The following SNPH variants were observed in gnomAD, a reference collection of about 807,000 sequenced individuals.
The protein encoded by SNPH is syntaphilin.
Under a neutral mutation model 36.8 loss-of-function variants are expected in SNPH, and 10 were observed. That is an observed-to-expected ratio of 0.27 (90% CI 0.17 to 0.46). SNPH has a LOEUF of 0.46. Ranked by LOEUF, SNPH falls within the 20% of genes least tolerant of loss-of-function variation. The probability of loss-of-function intolerance (pLI) is 1.00; values close to 1 mark genes in which losing one functional copy is unlikely to be tolerated. For synonymous variants in SNPH, 281 were observed against 312.2 expected (o/e 0.90, Z 1.05); for missense variants, 622 against 744.0 (o/e 0.84, Z 1.91).
chr20:1,266,911 C>T lies in SNPH; in HGVS notation c.-493+151C>T, dbSNP rs1331491846. ...ACTCATTCTTACCCTCCCTTCATTC[C>T]CCTACATCCCTTTAAGCGCTTCCCT... On this transcript the variant is annotated intron_variant, in intron 2 of 6. Transcript: ENST00000381867. This position sits in a 1 kb window ranked among gnomAD's most constrained non-coding sequence, Gnocchi z 6.0. 1.3e-5 allele frequency among the ~76,000 whole-genome samples: 2 copies of T among 152,152 alleles called. No individual in the cohort carries two copies. Among genetic ancestry groups the T allele is most frequent in the Non-Finnish European group, 1.5e-5 (1 of 68,024 alleles).
intron 2 of SNPH, among the ~76,000 whole-genome samples, chr20:1,277,996 G>A (rs549687249): frequency 8.0e-5 from 12 of 149,438 alleles, no homozygotes; most frequent in African/African-American, 2.2e-4. Context: ...GCGTGTCTGT[G>A]TGTCTGTGTG....
At position 1,305,803 on chromosome 20, in the gene SNPH, G is replaced by C; in HGVS notation, c.1366G>C (p.Val456Leu). 3 of 1,595,760 alleles carry C rather than the reference G, an allele frequency of 1.9e-6. No homozygotes were observed. Among genetic ancestry groups the C allele is most frequent in the Non-Finnish European group, 2.6e-6 (3 of 1,171,420 alleles). ...CPMEEEEEAAVAEKEPKSYWS... is the reference protein window; with the variant it reads ...CPMEEEEEAALAEKEPKSYWS... ...CATGGAAGAGGAGGAGGAGGCTGCCGTGGCTGAGAAGGAGCCCAAGAGCTA... is the reference window on the plus strand; with the variant it reads ...CATGGAAGAGGAGGAGGAGGCTGCCCTGGCTGAGAAGGAGCCCAAGAGCTA... Residue 456 changes from valine to leucine, a missense_variant, in exon 7 of 7, where the codon GTG becomes CTG. Coordinates refer to ENST00000381867, the MANE Select transcript of SNPH (RefSeq NM_001318234.2).
At chr20:1,282,711 T>C (rs913068079) in intron 2 of SNPH, among the ~76,000 whole-genome samples, 1 of 145,326 alleles carries the variant, frequency 6.9e-6, no homozygotes, top group African/African-American at 2.5e-5. Context: ...CATTTGTCTC[T>C]GGGCCTTGGT....
intron 4 of SNPH, 157 bp from the exon 5 acceptor site, chr20:1,296,988 T>C (rs2088443944): frequency 4.4e-6 from 4 of 900,576 alleles, no homozygotes; most frequent in Non-Finnish European, 5.3e-6. Context: ...GTCTGTTCTG[T>C]CACCCCTGTC....
At chr20:1,292,491 C>T (rs2122369807) in intron 2 of SNPH, among the ~76,000 whole-genome samples, 1 of 152,358 alleles carries the variant, frequency 6.6e-6, no homozygotes, top group East Asian at 1.9e-4. Context: ...CTCCATTGTT[C>T]CTGCCATGAC....
intron 2 of SNPH, among the ~76,000 whole-genome samples, chr20:1,292,145 G>A (rs1336944884): frequency 1.4e-5 from 2 of 145,020 alleles, no homozygotes; most frequent in East Asian, 3.9e-4. Flanking sequence ...CCCAGGGGAT[G>A]GTGTTCCCTG....
Position 1,266,514 on chromosome 20 carries a change from C to A in SNPH, c.-600+117C>A, listed in dbSNP as rs1010467737. The stretch of plus-strand genomic sequence containing the variant: ...GCCGCGGGCCGCGAGGAGGAGGGGA[C>A]GGAGCACCCGGCAGGCAGCCTGCCC... On this transcript the variant is annotated intron_variant, in intron 1 of 6. Coordinates refer to ENST00000381867, the MANE Select transcript of SNPH (RefSeq NM_001318234.2). This position sits in a 1 kb window ranked among gnomAD's most constrained non-coding sequence, Gnocchi z 6.0. The A allele has an allele frequency of 8.1e-6, 10 of 1,240,490 alleles. No homozygotes were observed. The African/African-American group carries it at 1.1e-4, about 14-fold the overall frequency. 76.8% of individuals were successfully genotyped at this position (1,240,490 alleles called of 1,614,324 possible). A position where few individuals can be genotyped will look rare whatever the true frequency, so the allele number is the denominator to read the frequency against.
Position 1,266,703 on chromosome 20 carries a change from G to C in SNPH, c.-550G>C. 1 of 1,438,512 alleles carries C rather than the reference G, an allele frequency of 7.0e-7. No individual in the cohort carries two copies. The highest frequency in any genetic ancestry group is 9.1e-7 in the Non-Finnish European group (1 of 1,100,340). The allele number at this position is 1,438,512 out of a possible 1,614,324, so 89.1% of individuals were successfully genotyped here. On this transcript the variant is annotated 5_prime_UTR_variant, in exon 2 of 7. Transcript: ENST00000381867. The surrounding 1 kb of genome is among the most constrained non-coding windows in gnomAD (Gnocchi z 6.0). ...GCAGCAGCGACTGCAGAGGCGCTGC[G>C]CCAAGCCGGGCCGGAGTGGTGCGAG...
chr20:1,266,696 G>T lies in SNPH; in HGVS notation c.-557G>T, dbSNP rs1442498021. 11 of 1,454,280 alleles carry T rather than the reference G, an allele frequency of 7.6e-6. No individual in the cohort carries two copies. Among genetic ancestry groups the T allele is most frequent in the Non-Finnish European group, 9.9e-6 (11 of 1,107,190 alleles). The allele number at this position is 1,454,280 out of a possible 1,614,324, so 90.1% of individuals were successfully genotyped here. ...GGCGGCTGCAGCAGCGACTGCAGAG[G>T]CGCTGCGCCAAGCCGGGCCGGAGTG... On this transcript the variant is annotated 5_prime_UTR_variant, in exon 2 of 7. Coordinates refer to ENST00000381867, the MANE Select transcript of SNPH (RefSeq NM_001318234.2). This position sits in a 1 kb window ranked among gnomAD's most constrained non-coding sequence, Gnocchi z 6.0.
rs1362568362 is a variant in SNPH, at chr20:1,296,135, G to T, written c.-105G>T. 5.1e-6 allele frequency: 5 copies of T among 978,658 alleles called. No homozygotes were observed. The highest frequency in any genetic ancestry group is 5.8e-6 in the Non-Finnish European group (4 of 691,970). 60.6% of individuals were successfully genotyped at this position (978,658 alleles called of 1,614,324 possible). The stretch of plus-strand genomic sequence containing the variant: ...GACAGTTGTGGTTTTAAGTTGGGTG[G>T]TGGGAACCTGTGCACCAGCCCTATT... On this transcript the variant is annotated 5_prime_UTR_variant, in exon 4 of 7. Coordinates refer to ENST00000381867, the MANE Select transcript of SNPH (RefSeq NM_001318234.2).
intron 2 of SNPH, among the ~76,000 whole-genome samples, chr20:1,272,047 T>C (rs1030285159): frequency 6.6e-6 from 1 of 152,230 alleles, no homozygotes; most frequent in African/African-American, 2.4e-5. Flanking sequence ...AAGAACATTT[T>C]AATATTTCTA....
At chr20:1,281,053 T>A (rs1333575954) in intron 2 of SNPH, among the ~76,000 whole-genome samples, 1 of 152,118 alleles carries the variant, frequency 6.6e-6, no homozygotes, top group African/African-American at 2.4e-5. Context: ...CACCCCTGAA[T>A]AAGGTTCTAT....
At position 1,276,744 on chromosome 20, in the gene SNPH, C is replaced by T. The variant is rs2088136269; in HGVS notation, c.-493+9984C>T. On this transcript the variant is annotated intron_variant, in intron 2 of 6. Transcript: ENST00000381867. The surrounding 1 kb of genome is among the most constrained non-coding windows in gnomAD (Gnocchi z 4.6). Reference sequence around the variant, plus strand: ...AAAGTGCCAACACATCTTCATTTGGCAGTGAGCTCCCTCCTCACTGGAGGT... The same window carrying T: ...AAAGTGCCAACACATCTTCATTTGGTAGTGAGCTCCCTCCTCACTGGAGGT... Among the ~76,000 whole-genome samples the T allele has an allele frequency of 6.6e-6, 1 of 152,214 alleles. No individual in the cohort carries two copies. Among genetic ancestry groups the T allele is most frequent in the South Asian group, 2.1e-4 (1 of 4,832 alleles).
chr20:1,300,778 TC>T lies in SNPH; in HGVS notation c.440+68del, dbSNP rs772709067. The T allele has an allele frequency of 1.1e-4, 171 of 1,497,272 alleles. 1 individual carries two copies. In the South Asian group the frequency reaches 1.2e-3, roughly 11 times the overall value. The allele number at this position is 1,497,272 out of a possible 1,614,324, so 92.7% of individuals were successfully genotyped here. A position where few individuals can be genotyped will look rare whatever the true frequency, so the allele number is the denominator to read the frequency against. ...GCTCCACACTCAGGGAAACCAGGGC[TC>T]TGGGGTGCCTCTTGGAGGGAGGAGT... On this transcript the variant is annotated intron_variant, in intron 6 of 6. Transcript: ENST00000381867.
Position 1,300,624 on chromosome 20 carries a change from A to G in SNPH, c.353A>G (p.Gln118Arg). 2.5e-6 allele frequency: 4 copies of G among 1,613,784 alleles called. No homozygotes were observed. Among genetic ancestry groups the G allele is most frequent in the African/African-American group, 1.3e-5 (1 of 75,054 alleles). The change falls in exon 6 of 7, where the codon CAG becomes CGG. Residue 118 changes from glutamine (Q) to arginine (R), a missense_variant. This residue lies in a region of SNPH where 187 missense variants were observed against 209.4 expected (regional missense o/e 0.89). Transcript: ENST00000381867. ...NHGIKPPTPE[Q>R]YLTPLQQKEV... ...GGCATCAAGCCCCCGACCCCGGAGC[A>G]GTACCTGACCCCCCTGCAGCAGAAG...
chr20:1,298,679 C>T (rs914937971), intron 5 of SNPH, among the ~76,000 whole-genome samples: 1 of 152,168 alleles, frequency 6.6e-6, no homozygotes, highest in Non-Finnish European at 1.5e-5. Context: ...TCTTCTTCCC[C>T]ACAACAAGGG....
intron 2 of SNPH, among the ~76,000 whole-genome samples, chr20:1,293,643 A>G (rs2088391191): frequency 6.6e-6 from 1 of 152,178 alleles, no homozygotes; most frequent in Non-Finnish European, 1.5e-5. Context: ...CTGCCCTCCC[A>G]TGAGGGACCC....
At chr20:1,288,619 C>CTTTTT (rs201764007) in intron 2 of SNPH, among the ~76,000 whole-genome samples, 11 of 140,774 alleles carry the variant, frequency 7.8e-5, no homozygotes, top group South Asian at 2.3e-4. Context: ...ATTTCTTTTT[C>CTTTTT]TTTTTTTCTT....
chr20:1,272,335 T>C (rs2088082590), intron 2 of SNPH, among the ~76,000 whole-genome samples: 1 of 152,198 alleles, frequency 6.6e-6, no homozygotes, highest in South Asian at 2.1e-4. Context: ...AAATGAAATA[T>C]GTTAAGCAAG....
Sources: allele counts gnomAD v4.1 joint callset (sites outside exome capture counted in the v4.1 genomes callset), GRCh38; gene constraint gnomAD v4.1.1; regional missense constraint gnomAD v4.1.1; non-coding constraint Gnocchi (gnomAD v3.1); transcripts MANE v1.5; gene names NCBI Gene and HGNC (gene_info 2026-07-23, HGNC 2026-07-21).